SZT2: variants seen among roughly 807,000 people sequenced by gnomAD.
The protein encoded by SZT2 is KICSTOR complex protein SZT2.
A neutral mutation model predicts 404.2 loss-of-function variants in SZT2; 216 were observed. That is an observed-to-expected ratio of 0.53 (90% CI 0.48 to 0.60). SZT2 has a LOEUF of 0.60. Ranked by LOEUF, SZT2 falls within the 20% of genes least tolerant of loss-of-function variation. SZT2 has a pLI of 0.00. For missense variants in SZT2, 3,857 were observed against 4,459.2 expected (o/e 0.86, Z 3.85); for synonymous variants, 1,693 against 1,749.9 (o/e 0.97, Z 0.81).
At chr1:43,413,036 G>A (rs1651260991) in intron 4 of SZT2, among the ~76,000 whole-genome samples, 1 of 152,200 alleles carries the variant, frequency 6.6e-6, no homozygotes, top group African/African-American at 2.4e-5. Flanking sequence ...TGGAGAAAAG[G>A]TAACGTTGTG....
In SZT2 at chr1:43,430,581, G is replaced by T; in HGVS notation, c.4566G>T (p.Gly1522=). 6.2e-7 allele frequency: 1 copy of T among 1,614,194 alleles called. No individual in the cohort carries two copies. The highest frequency in any genetic ancestry group is 8.5e-7 in the Non-Finnish European group (1 of 1,180,046). ...EYRESRESDL[G]PAGLDSASLS... ...GGGAGAGCCGTGAATCAGACCTGGG[G>T]CCTGCTGGGCTAGACTCTGCCTCGC... is the stretch of plus-strand genomic sequence containing the variant. The change falls in exon 32 of 72, where the codon GGG becomes GGT. Residue 1522 remains glycine (G), a synonymous_variant. Coordinates refer to ENST00000634258, the MANE Select transcript of SZT2 (RefSeq NM_001365999.1).
chr1:43,441,115 A>T lies in SZT2; in HGVS notation c.7345-99A>T. ...TGGGGAAGCCAGGGTCTGAACCCAG[A>T]CCTCTGAATCCTCCTAGCTCACTGC... is the stretch of plus-strand genomic sequence containing the variant. On this transcript the variant is annotated intron_variant, in intron 52 of 71. Transcript: ENST00000634258. The surrounding 1 kb of genome is among the most constrained non-coding windows in gnomAD (Gnocchi z 4.8). 2.0e-6 allele frequency: 3 copies of T among 1,463,550 alleles called. No individual in the cohort carries two copies. The highest frequency in any genetic ancestry group is 2.8e-6 in the Non-Finnish European group (3 of 1,080,350). The allele number at this position is 1,463,550 out of a possible 1,614,324, so 90.7% of individuals were successfully genotyped here. A position where few individuals can be genotyped will look rare whatever the true frequency, so the allele number is the denominator to read the frequency against.
In SZT2 at chr1:43,430,526, A is replaced by C. The variant is rs1570668157; in HGVS notation, c.4511A>C (p.Glu1504Ala). 3.7e-6 allele frequency: 6 copies of C among 1,614,198 alleles called. No homozygotes were observed. The highest frequency in any genetic ancestry group is 5.1e-6 in the Non-Finnish European group (6 of 1,180,030). Residue 1504 changes from glutamate to alanine, a missense_variant, in exon 32 of 72, where the codon GAG becomes GCG. Coordinates refer to ENST00000634258, the MANE Select transcript of SZT2 (RefSeq NM_001365999.1). ...GDTSACCVVT[E>A]SDPELEVEYR... The stretch of plus-strand genomic sequence containing the variant: ...ACATCTGCCTGCTGTGTGGTCACTG[A>C]GAGTGACCCAGAGCTAGAGGTAGAA...
chr1:43,407,167 G>A lies in SZT2; in HGVS notation c.498+2617G>A, dbSNP rs144649006. Among the ~76,000 whole-genome samples, 1,197 of 152,266 alleles carry A rather than the reference G, an allele frequency of 7.9e-3. 9 individuals carry two copies. The highest frequency in any genetic ancestry group is 0.026 in the East Asian group (132 of 5,174). Reference sequence around the variant, plus strand: ...CATCAGTTAAGCCCCAGGGCCACTTGGCCGCCCTGAGCCAGCCTTTTCATT... The same window carrying A: ...CATCAGTTAAGCCCCAGGGCCACTTAGCCGCCCTGAGCCAGCCTTTTCATT... On this transcript the variant is annotated intron_variant, in intron 4 of 71. Coordinates refer to ENST00000634258, the MANE Select transcript of SZT2 (RefSeq NM_001365999.1).
rs1380407004 is a variant in SZT2, at chr1:43,446,335, C to T, written c.8998-7C>T. On this transcript the variant is annotated splice_polypyrimidine_tract_variant and splice_region_variant and intron_variant, in intron 64 of 71. Transcript: ENST00000634258. ...CCTTCCTGATCTCATCTTCACCTTC[C>T]CTCCAGGGCTGTTACTTCTGTGTCA... The T allele has an allele frequency of 6.2e-7, 1 of 1,614,250 alleles. No individual in the cohort carries two copies. The highest frequency in any genetic ancestry group is 1.1e-5 in the South Asian group (1 of 91,088).
rs1437465054 is a variant in SZT2, at chr1:43,442,234, C to T, written c.7874-34C>T. On this transcript the variant is annotated intron_variant, in intron 56 of 71. Transcript: ENST00000634258. This position sits in a 1 kb window ranked among gnomAD's most constrained non-coding sequence, Gnocchi z 4.5. ...GGTGGGATCAAGGGGGATCTGTTCC[C>T]AGGCCCCTATTGTGCCCCTCCCCCA... The T allele has an allele frequency of 6.2e-7, 1 of 1,605,416 alleles. No individual in the cohort carries two copies. The highest frequency in any genetic ancestry group is 2.2e-5 in the East Asian group (1 of 44,852).
rs2153939206 is a variant in SZT2 at position 43,454,022 on chromosome 1, C to G, written c.*3542C>G. On this transcript the variant is annotated 3_prime_UTR_variant, in exon 72 of 72. Coordinates refer to ENST00000634258, the MANE Select transcript of SZT2 (RefSeq NM_001365999.1). ...GGCGAAGGGGCGGAGCGAGGGCGGC[C>G]GGAAAAGGAGCAGGACCCGCGCCTG... 6.0e-6 allele frequency: 7 copies of G among 1,166,960 alleles called. No individual in the cohort carries two copies. Among genetic ancestry groups the G allele is most frequent in the Non-Finnish European group, 7.4e-6 (7 of 947,200 alleles). The allele number at this position is 1,166,960 out of a possible 1,614,324, so 72.3% of individuals were successfully genotyped here. A position where few individuals can be genotyped will look rare whatever the true frequency, so the allele number is the denominator to read the frequency against.
chr1:43,392,413 G>C (rs1353596071), intron 1 of SZT2, among the ~76,000 whole-genome samples: 4 of 148,992 alleles, frequency 2.7e-5, no homozygotes, highest in Non-Finnish European at 3.0e-5. Context: ...CAAAAGTTAA[G>C]CTTTTTTTTT....
chr1:43,421,639 G>C (rs903058621), intron 11 of SZT2, among the ~76,000 whole-genome samples: 13 of 152,356 alleles, frequency 8.5e-5, no homozygotes, highest in Non-Finnish European at 1.6e-4. Context: ...TCACCTGTGT[G>C]CATCCACCAC....
intron 36 of SZT2, 77 bp downstream of exon 36, chr1:43,431,978 C>A: frequency 1.3e-6 from 2 of 1,539,350 alleles, no homozygotes; most frequent in African/African-American, 1.4e-5. Flanking sequence ...GACTGGAAGG[C>A]CCTCTGTTAG....
chr1:43,420,627 C>A lies in SZT2; in HGVS notation c.1262-122C>A. 3.9e-6 allele frequency: 4 copies of A among 1,015,594 alleles called. No individual in the cohort carries two copies. The highest frequency in any genetic ancestry group is 5.7e-6 in the Non-Finnish European group (4 of 705,524). 62.9% of individuals were successfully genotyped at this position (1,015,594 alleles called of 1,614,324 possible). On this transcript the variant is annotated intron_variant, in intron 9 of 71. Coordinates refer to ENST00000634258, the MANE Select transcript of SZT2 (RefSeq NM_001365999.1). This position sits in a 1 kb window ranked among gnomAD's most constrained non-coding sequence, Gnocchi z 5.1. Reference sequence around the variant, plus strand: ...AACTCTGGGCCTGAAACCTGTGGAACCATGCTTGGAACCTTTGGCAGGACT... The same window carrying A: ...AACTCTGGGCCTGAAACCTGTGGAAACATGCTTGGAACCTTTGGCAGGACT...
chr1:43,437,414 G>A lies in SZT2; in HGVS notation c.6196G>A (p.Ala2066Thr), dbSNP rs1241692921. ...PSMGVSRAIQ[A>T]LRSVLNAFSV... is the part of the protein sequence containing the mutation. Reference sequence around the variant, plus strand: ...CCATGTTATTCCCCCAGCCATCCAGGCCCTGCGCTCTGTGCTCAATGCCTT... The same window carrying A: ...CCATGTTATTCCCCCAGCCATCCAGACCCTGCGCTCTGTGCTCAATGCCTT... The change falls in exon 44 of 72, where the codon GCC (alanine) becomes ACC (threonine). Residue 2066 changes from alanine (A) to threonine (T), a missense_variant. Coordinates refer to ENST00000634258, the MANE Select transcript of SZT2 (RefSeq NM_001365999.1). The surrounding 1 kb of genome is among the most constrained non-coding windows in gnomAD (Gnocchi z 5.3). The A allele has an allele frequency of 6.2e-7, 1 of 1,614,040 alleles. No homozygotes were observed.
At chr1:43,415,035 G>A (rs1204585218) in intron 4 of SZT2, 47 bp from the exon 5 acceptor site, 6 of 1,585,826 alleles carry the variant, frequency 3.8e-6, no homozygotes, top group Non-Finnish European at 5.1e-6. Flanking sequence ...GTAGTGGTCT[G>A]TGCCACCCTG....
intron 4 of SZT2, chr1:43,409,458 A>G (rs1650744740): frequency 2.6e-6 from 1 of 385,540 alleles, no homozygotes; most frequent in Non-Finnish European, 5.0e-6. Context: ...AGGTCATCCA[A>G]ACTGGAAAAT....
Position 43,451,216 on chromosome 1 carries a change from C to T in SZT2, c.*736C>T. 6.2e-7 allele frequency: 1 copy of T among 1,611,616 alleles called. No homozygotes were observed. The highest frequency in any genetic ancestry group is 8.5e-7 in the Non-Finnish European group (1 of 1,177,868). On this transcript the variant is annotated 3_prime_UTR_variant, in exon 72 of 72. Transcript: ENST00000634258. ...TGGGATGTCACTCGCTGTCTGGAGG[C>T]ACGTGGGTGGTGTGCGGGCCCTCAC...
rs368334149 is a variant in SZT2, at chr1:43,430,070, C to T, written c.4368C>T (p.Tyr1456=). The change falls in exon 30 of 72, where the codon TAC becomes TAT. Residue 1456 remains tyrosine, a synonymous_variant. Coordinates refer to ENST00000634258, the MANE Select transcript of SZT2 (RefSeq NM_001365999.1). The part of the protein sequence containing the change: ...HFRTVPSNPH[Y]FFYCPPSSRR... ...GCACAGTGCCTTCCAATCCCCACTA[C>T]TTCTTCTATTGCCCTCCATCCAGCA... is the stretch of plus-strand genomic sequence containing the variant. 2 of 1,614,154 alleles carry T rather than the reference C, an allele frequency of 1.2e-6. No individual in the cohort carries two copies. The highest frequency in any genetic ancestry group is 1.7e-6 in the Non-Finnish European group (2 of 1,180,032).
chr1:43,429,506 AAAAG>A, intron 28 of SZT2, 193 bp from the exon 29 acceptor site: 1 of 609,870 alleles, frequency 1.6e-6, no homozygotes, highest in Non-Finnish European at 2.8e-6. Context: ...AAGGAAAGAA[AAAAG>A]AAAAAGAAAT....
intron 52 of SZT2, among the ~76,000 whole-genome samples, 182 bp downstream of exon 52, chr1:43,440,768 A>G (rs1394755463): frequency 1.3e-5 from 2 of 152,118 alleles, no homozygotes; most frequent in Non-Finnish European, 2.9e-5. Flanking sequence ...GGAGGATGAA[A>G]TGGGAGGATT....
Position 43,424,361 on chromosome 1 carries a change from G to C in SZT2, c.2400G>C (p.Trp800Cys). The change falls in exon 16 of 72, where the codon TGG becomes TGC. Residue 800 changes from tryptophan (W) to cysteine (C), a missense_variant. Trp to Cys is a radical substitution (Grantham distance 215, BLOSUM62 -2). Transcript: ENST00000634258. The surrounding 1 kb of genome is among the most constrained non-coding windows in gnomAD (Gnocchi z 4.1). ...SRYLYHQRWL[W>C]SVPSGLAPAL... is the part of the protein sequence containing the mutation. ...ACCTCTACCATCAGCGCTGGCTTTG[G>C]AGTGTCCCGTCAGGACTGGCCCCTG... 1 of 1,598,102 alleles carries C rather than the reference G, an allele frequency of 6.3e-7. No homozygotes were observed. The highest frequency in any genetic ancestry group is 8.5e-7 in the Non-Finnish European group (1 of 1,179,612).
Sources: allele counts gnomAD v4.1 joint callset (sites outside exome capture counted in the v4.1 genomes callset), GRCh38; gene constraint gnomAD v4.1.1; non-coding constraint Gnocchi (gnomAD v3.1); transcripts MANE v1.5; gene names NCBI Gene and HGNC (gene_info 2026-07-23, HGNC 2026-07-21).